The following MDFIC2 variants were observed in gnomAD, a reference collection of about 807,000 sequenced individuals.
MDFIC2 encodes myoD family inhibitor domain-containing protein 2.
At chr3:70,289,268 C>G (rs1349580213) in intron 2 of MDFIC2, among the ~76,000 whole-genome samples, 1 of 134,646 alleles carries the variant, frequency 7.4e-6, no homozygotes, top group African/African-American at 2.7e-5. Context: ...GTGACAAAAT[C>G]TCTCAGCATT....
chr3:70,225,885 G>A (rs991756670), intron 2 of MDFIC2, among the ~76,000 whole-genome samples: 6 of 152,144 alleles, frequency 3.9e-5, no homozygotes, highest in African/African-American at 4.8e-5. Flanking sequence ...TGGCCTCTGA[G>A]GGCTTAAGAA....
intron 2 of MDFIC2, among the ~76,000 whole-genome samples, chr3:70,255,526 ATCCTCCTGCCTCAGTCCTGCAGCCTCAG>A (rs1237697227): frequency 1.3e-5 from 2 of 151,990 alleles, no homozygotes; most frequent in African/African-American, 4.8e-5. Flanking sequence ...GGCTCAAGTG[ATCCTCCTGCCTCAGTCCTGCAGCCTCAG>A]TCCTCCTGCC....
chr3:70,260,275 C>G (rs1701853167), intron 2 of MDFIC2, among the ~76,000 whole-genome samples: 1 of 152,158 alleles, frequency 6.6e-6, no homozygotes, highest in Non-Finnish European at 1.5e-5. Flanking sequence ...TACGGCATTT[C>G]CCCTGTGTGT....
chr3:70,263,202 A>G lies in MDFIC2; in HGVS notation c.88+48684T>C, dbSNP rs1192090042. On this transcript the variant is annotated intron_variant, in intron 2 of 3. Coordinates refer to ENST00000567252, the MANE Select transcript of MDFIC2 (RefSeq NM_001364677.1). ...AACTGATTTTTCCTTCTGGTTATGG[A>G]TCATATTTTCCTGCTTCTTCTTTCT... 2.0e-5 allele frequency among the ~76,000 whole-genome samples: 3 copies of G among 151,942 alleles called. No homozygotes were observed. In the East Asian group the frequency reaches 5.8e-4, roughly 29 times the overall value.
intron 2 of MDFIC2, among the ~76,000 whole-genome samples, chr3:70,227,320 C>T (rs1297790359): frequency 1.3e-5 from 2 of 152,204 alleles, no homozygotes; most frequent in African/African-American, 4.8e-5. Flanking sequence ...ACTGTGATAA[C>T]AGTCTCTCTA....
chr3:70,279,201 T>C (rs1166393542), intron 2 of MDFIC2, among the ~76,000 whole-genome samples: 1 of 151,698 alleles, frequency 6.6e-6, no homozygotes, highest in Admixed American at 6.6e-5. Context: ...CTGTGATAAA[T>C]GCTTTGCATG....
chr3:70,235,025 C>G (rs1027252730), intron 2 of MDFIC2, among the ~76,000 whole-genome samples: 5 of 152,190 alleles, frequency 3.3e-5, no homozygotes, highest in African/African-American at 1.2e-4. Flanking sequence ...TTGAGAACCT[C>G]TGCCCCAAAG....
intron 2 of MDFIC2, among the ~76,000 whole-genome samples, chr3:70,294,030 A>C (rs937067719): frequency 1.3e-5 from 2 of 152,174 alleles, no homozygotes; most frequent in Admixed American, 1.3e-4. Flanking sequence ...GTATTTTAAT[A>C]TTTATCAATT....
chr3:70,235,694 G>C (rs182168082), intron 2 of MDFIC2, among the ~76,000 whole-genome samples: 11 of 152,246 alleles, frequency 7.2e-5, no homozygotes, highest in Non-Finnish European at 1.5e-4. Context: ...AATGTGTAAG[G>C]GTTCTGGTGG....
intron 2 of MDFIC2, among the ~76,000 whole-genome samples, chr3:70,276,544 T>C (rs1702028485): frequency 6.6e-6 from 1 of 152,216 alleles, no homozygotes; most frequent in African/African-American, 2.4e-5. Flanking sequence ...TTAGTAAATA[T>C]TTATCACATA....
At chr3:70,267,064 A>T (rs1030615622) in intron 2 of MDFIC2, among the ~76,000 whole-genome samples, 1 of 152,144 alleles carries the variant, frequency 6.6e-6, no homozygotes, top group African/African-American at 2.4e-5. Context: ...TGTCGTGCCA[A>T]TGAATGAAGT....
intron 2 of MDFIC2, among the ~76,000 whole-genome samples, chr3:70,286,331 C>A (rs1388486757): frequency 6.6e-6 from 1 of 152,142 alleles, no homozygotes; most frequent in East Asian, 1.9e-4. Context: ...TTCCCCATTT[C>A]TTGTTTTTGT....
At chr3:70,202,569 T>C (rs546631403) in intron 3 of MDFIC2, among the ~76,000 whole-genome samples, 3 of 152,284 alleles carry the variant, frequency 2.0e-5, no homozygotes, top group South Asian at 4.1e-4. Context: ...ATCACTGCTA[T>C]TGAAGTGCCC....
At chr3:70,218,538 C>T (rs560183724) in intron 2 of MDFIC2, among the ~76,000 whole-genome samples, 1 of 152,140 alleles carries the variant, frequency 6.6e-6, no homozygotes, top group Non-Finnish European at 1.5e-5. Context: ...GTTGCTGGAA[C>T]GTTTACAGCC....
intron 2 of MDFIC2, among the ~76,000 whole-genome samples, chr3:70,292,740 C>A (rs1346781350): frequency 6.6e-6 from 1 of 151,964 alleles, no homozygotes; most frequent in African/African-American, 2.4e-5. Flanking sequence ...CACACACACA[C>A]ATGCACACAC....
intron 2 of MDFIC2, among the ~76,000 whole-genome samples, chr3:70,239,991 C>G (rs1034674305): frequency 6.6e-6 from 1 of 151,694 alleles, no homozygotes; most frequent in Non-Finnish European, 1.5e-5. Flanking sequence ...AAGAAAATAC[C>G]TAATATTCTA....
At chr3:70,199,923 A>G (rs1701221899) in intron 3 of MDFIC2, among the ~76,000 whole-genome samples, 1 of 152,058 alleles carries the variant, frequency 6.6e-6, no homozygotes, top group Admixed American at 6.6e-5. Context: ...ACCAAGGCCA[A>G]ACTGCATTTT....
chr3:70,241,465 A>T (rs35908063), intron 2 of MDFIC2, among the ~76,000 whole-genome samples: 51,177 of 152,048 alleles, frequency 0.34, 9,717 homozygotes, highest in East Asian at 0.59. Flanking sequence ...GAAAAGAATT[A>T]TTAGGGCTAA....
At chr3:70,234,137 G>A (rs1246326928) in intron 2 of MDFIC2, among the ~76,000 whole-genome samples, 1 of 152,332 alleles carries the variant, frequency 6.6e-6, no homozygotes, top group East Asian at 1.9e-4. Flanking sequence ...AAATATCTGA[G>A]TGGGATGTGG....
Sources: gnomAD v4.1 joint callset for allele counts (sites outside exome capture counted in the v4.1 genomes callset) on GRCh38, gnomAD v4.1.1 for gene constraint, MANE v1.5 for transcripts, NCBI Gene and HGNC (gene_info 2026-07-23, HGNC 2026-07-21) for gene names.